The following AQP4 variants were observed in gnomAD, a reference collection of about 807,000 sequenced individuals.
AQP4 encodes the protein aquaporin 4.
AQP4 carries 18 observed loss-of-function variants against 27.8 expected under a neutral mutation model. That is an observed-to-expected ratio of 0.65 (90% CI 0.45 to 0.96). AQP4 has a LOEUF of 0.96. Ranked by LOEUF, AQP4 falls within the 40% of genes least tolerant of loss-of-function variation. The pLI, the probability that AQP4 is intolerant of heterozygous loss-of-function variation, is 0.00. For missense variants in AQP4, 412 were observed against 408.2 expected (o/e 1.01, Z -0.08); for synonymous variants, 141 against 142.9 (o/e 0.99, Z 0.10).
chr18:26,863,563 G>A (rs1269026048), intron 1 of AQP4, among the ~76,000 whole-genome samples: 2 of 152,118 alleles, frequency 1.3e-5, no homozygotes, highest in African/African-American at 2.4e-5. Flanking sequence ...CCTCGTGCCC[G>A]ACCCTCTCTC....
chr18:26,863,634 G>C (rs2055001133), intron 1 of AQP4, among the ~76,000 whole-genome samples: 1 of 152,254 alleles, frequency 6.6e-6, no homozygotes, highest in Non-Finnish European at 1.5e-5. Context: ...GGAGGCTGGG[G>C]TGTGCCAGCA....
rs1487334775 is a variant in AQP4 at position 26,853,717 on chromosome 18, G to A, written c.*2494C>T. 6.6e-6 allele frequency: 1 copy of A among 152,554 alleles called. No homozygotes were observed. Among genetic ancestry groups the A allele is most frequent in the Non-Finnish European group, 1.5e-5 (1 of 68,042 alleles). The allele number at this position is 152,554 out of a possible 1,614,324, so 9.5% of individuals were successfully genotyped here. A position where few individuals can be genotyped will look rare whatever the true frequency, so the allele number is the denominator to read the frequency against. On this transcript the variant is annotated 3_prime_UTR_variant, in exon 5 of 5. Coordinates refer to ENST00000383168, the MANE Select transcript of AQP4 (RefSeq NM_001650.7). The stretch of plus-strand genomic sequence containing the variant: ...GATAATTTGGTGCCATCCACAAGGC[G>A]ATAGACCCCTGCTGCATAGATGTCA...
intron 4 of AQP4, 109 bp from the exon 5 acceptor site, chr18:26,856,598 A>G (rs890333529): frequency 7.8e-7 from 1 of 1,286,362 alleles, no homozygotes; most frequent in African/African-American, 1.5e-5. Context: ...TATTTGTGTC[A>G]TGCATCAAAA....
Position 26,860,823 on chromosome 18 carries a change from G to A in AQP4, c.642C>T (p.Pro214=), listed in dbSNP as rs771766075. 1.8e-5 allele frequency: 29 copies of A among 1,613,914 alleles called. No individual in the cohort carries two copies. The highest frequency in any genetic ancestry group is 2.4e-5 in the Non-Finnish European group (28 of 1,179,964). ...TAACTGCAGGTCCAAAGGATCGGGC[G>A]GGATTCATGCTGGCACCAGTATAAT... is the stretch of plus-strand genomic sequence containing the variant. ...AINYTGASMN[P]ARSFGPAVIM... is the part of the protein sequence containing the mutation. Residue 214 remains proline (P), a synonymous_variant, in exon 4 of 5, where the codon CCC becomes CCT. Transcript: ENST00000383168.
intron 4 of AQP4, among the ~76,000 whole-genome samples, chr18:26,858,727 A>G (rs1305521576): frequency 6.6e-6 from 1 of 152,218 alleles, no homozygotes; most frequent in African/African-American, 2.4e-5. Flanking sequence ...ACCCTTTCCA[A>G]AACATCTGTG....
At chr18:26,863,124 G>C (rs1473946059) in intron 1 of AQP4, 1 of 169,276 alleles carries the variant, frequency 5.9e-6, no homozygotes, top group Admixed American at 5.7e-5. Context: ...GCTGAAGGCT[G>C]TCTTTTGAGA....
intron 2 of AQP4, among the ~76,000 whole-genome samples, chr18:26,861,712 G>A (rs991292913): frequency 4.0e-5 from 6 of 151,622 alleles, no homozygotes; most frequent in African/African-American, 9.7e-5. Context: ...TTTTTAATCA[G>A]CCCTGGTGCT....
chr18:26,852,594 T>A lies in AQP4; in HGVS notation c.*3617A>T. On this transcript the variant is annotated 3_prime_UTR_variant, in exon 5 of 5. Coordinates refer to ENST00000383168, the MANE Select transcript of AQP4 (RefSeq NM_001650.7). ...GTCTTTCATTTATTTCAGAGAATTA[T>A]GAGTTTCAAAAGCTACTGCTCTTAT... 1 of 381,072 alleles carries A rather than the reference T, an allele frequency of 2.6e-6. No homozygotes were observed. 23.6% of individuals were successfully genotyped at this position (381,072 alleles called of 1,614,324 possible). A position where few individuals can be genotyped will look rare whatever the true frequency, so the allele number is the denominator to read the frequency against.
Position 26,856,189 on chromosome 18 carries a change from T to G in AQP4, c.*22A>C, listed in dbSNP as rs747539084. The G allele has an allele frequency of 5.0e-6, 8 of 1,614,050 alleles. No homozygotes were observed. The Admixed American group carries it at 6.7e-5, about 13-fold the overall frequency. On this transcript the variant is annotated 3_prime_UTR_variant, in exon 5 of 5. Transcript: ENST00000383168. ...GAGGACAGTTCTAAGGAGTCTTGTC[T>G]GCTTTCAGTGCGATCTTCTAGTCAT...
intron 4 of AQP4, 43 bp from the exon 5 acceptor site, chr18:26,856,532 G>A (rs575836178): frequency 1.9e-6 from 3 of 1,602,114 alleles, no homozygotes; most frequent in African/African-American, 2.7e-5. Context: ...GTAGAGAAAA[G>A]CTATTCCATT....
chr18:26,855,225 CTTG>C lies in AQP4; in HGVS notation c.*983_*985del, dbSNP rs1458952528. ...AAGCCAGGACTCAACTAGCTAAGTT[CTTG>C]TTATCAAAAATATGTCTCAGCTAAT... On this transcript the variant is annotated 3_prime_UTR_variant, in exon 5 of 5. Transcript: ENST00000383168. 6.6e-6 allele frequency: 1 copy of C among 152,156 alleles called. No individual in the cohort carries two copies. The highest frequency in any genetic ancestry group is 2.4e-5 in the African/African-American group (1 of 41,428). The allele number at this position is 152,156 out of a possible 1,614,324, so 9.4% of individuals were successfully genotyped here. A position where few individuals can be genotyped will look rare whatever the true frequency, so the allele number is the denominator to read the frequency against.
At chr18:26,861,953 G>C in intron 2 of AQP4, 2 of 580,392 alleles carry the variant, frequency 3.4e-6, no homozygotes, top group Non-Finnish European at 6.1e-6. Flanking sequence ...CACAATTTTC[G>C]GGCCACCTAG....
At chr18:26,860,622 C>T (rs962727326) in intron 4 of AQP4, 150 bp downstream of exon 4, 119 of 750,418 alleles carry the variant, frequency 1.6e-4, no homozygotes, top group Middle Eastern at 3.8e-4. Flanking sequence ...GCTATTCTTT[C>T]CCTAGTCTTT....
intron 1 of AQP4, chr18:26,865,455 T>A (rs1772919045): frequency 1.5e-6 from 1 of 683,052 alleles, no homozygotes; most frequent in South Asian, 1.7e-5. Flanking sequence ...TATGGAGGAT[T>A]TGGCTAAAAA....
At position 26,861,373 on chromosome 18, in the gene AQP4, G is replaced by A. The variant is rs533388789; in HGVS notation, c.448-78C>T. ...CAATGTATTAATATCATTGTGAAAG[G>A]CACATTTTATCTGTGTAAAAAGTAA... is the stretch of plus-strand genomic sequence containing the variant. On this transcript the variant is annotated intron_variant, in intron 2 of 4. Coordinates refer to ENST00000383168, the MANE Select transcript of AQP4 (RefSeq NM_001650.7). 12 of 1,426,314 alleles carry A rather than the reference G, an allele frequency of 8.4e-6. No homozygotes were observed. In the African/African-American group the frequency reaches 1.3e-4, roughly 15 times the overall value. The allele number at this position is 1,426,314 out of a possible 1,614,324, so 88.4% of individuals were successfully genotyped here.
At chr18:26,860,403 C>A (rs1245931272) in intron 4 of AQP4, among the ~76,000 whole-genome samples, 1 of 152,012 alleles carries the variant, frequency 6.6e-6, no homozygotes, top group Non-Finnish European at 1.5e-5. Flanking sequence ...GAAGACTTTA[C>A]TTTCAATTAT....
chr18:26,856,480 C>A lies in AQP4; in HGVS notation c.703G>T (p.Val235Phe). The A allele has an allele frequency of 1.2e-6, 2 of 1,614,134 alleles. No individual in the cohort carries two copies. Among genetic ancestry groups the A allele is most frequent in the Non-Finnish European group, 1.7e-6 (2 of 1,179,996 alleles). ...AGGACAGCTCCTATGATGGGCCCAA[C>A]CCAATATATCTAAGGAAAAGATGGA... is the stretch of plus-strand genomic sequence containing the variant. ...GNWENHWIYW[V>F]GPIIGAVLAG... Residue 235 changes from valine to phenylalanine, a missense_variant, in exon 5 of 5, where the codon GTT becomes TTT. Transcript: ENST00000383168.
Position 26,861,905 on chromosome 18 carries a change from A to G in AQP4, c.447+277T>C, listed in dbSNP as rs1598516053. 7.8e-6 allele frequency: 4 copies of G among 510,840 alleles called. No individual in the cohort carries two copies. The South Asian group carries it at 8.4e-5, about 11-fold the overall frequency. 31.6% of individuals were successfully genotyped at this position (510,840 alleles called of 1,614,324 possible). A position where few individuals can be genotyped will look rare whatever the true frequency, so the allele number is the denominator to read the frequency against. ...GCATTAAGCTAAATATAAAGTCAATATAGTAATTGGAATGGGAGAAGGGGA... is the reference window on the plus strand; with the variant it reads ...GCATTAAGCTAAATATAAAGTCAATGTAGTAATTGGAATGGGAGAAGGGGA... On this transcript the variant is annotated intron_variant, in intron 2 of 4. Transcript: ENST00000383168.
chr18:26,861,193 C>A lies in AQP4; in HGVS notation c.550G>T (p.Asp184Tyr). The change falls in exon 3 of 5, where the codon GAT (aspartate) becomes TAT (tyrosine). Residue 184 changes from aspartate to tyrosine, a missense_variant. Transcript: ENST00000383168. Reference sequence around the variant, plus strand: ...GCTAAAGCTATTGAGCCAGTGACATCAGTCCGTTTGGAATCACAGCTGGCA... The same window carrying A: ...GCTAAAGCTATTGAGCCAGTGACATAAGTCCGTTTGGAATCACAGCTGGCA... Reference protein sequence around the residue: ...IFASCDSKRTDVTGSIALAIG... With the variant: ...IFASCDSKRTYVTGSIALAIG... The A allele has an allele frequency of 6.2e-7, 1 of 1,614,112 alleles. No individual in the cohort carries two copies. Among genetic ancestry groups the A allele is most frequent in the Non-Finnish European group, 8.5e-7 (1 of 1,179,986 alleles).
Sources: gnomAD v4.1 joint callset for allele counts (sites outside exome capture counted in the v4.1 genomes callset) on GRCh38, gnomAD v4.1.1 for gene constraint, MANE v1.5 for transcripts, NCBI Gene and HGNC (gene_info 2026-07-23, HGNC 2026-07-21) for gene names.